FSTL5: variants seen among roughly 807,000 people sequenced by gnomAD.
FSTL5 encodes the protein follistatin like 5.
A neutral mutation model predicts 89.1 loss-of-function variants in FSTL5; 62 were observed. That is an observed-to-expected ratio of 0.70 (90% CI 0.57 to 0.86). The LOEUF (loss-of-function observed/expected upper bound fraction) is 0.86. FSTL5 is among the 40% of genes least tolerant of loss of function. The probability of loss-of-function intolerance (pLI) is 0.00; values close to 1 mark genes in which losing one functional copy is unlikely to be tolerated. For synonymous variants in FSTL5, 383 were observed against 346.2 expected (o/e 1.11, Z -1.18); for missense variants, 1,057 against 1,001.6 (o/e 1.06, Z -0.75).
At chr4:161,853,219 G>T (rs1220237742) in intron 4 of FSTL5, among the ~76,000 whole-genome samples, 1 of 152,176 alleles carries the variant, frequency 6.6e-6, no homozygotes, top group African/African-American at 2.4e-5. Context: ...GAAAGCTGTA[G>T]TCATGTAGAT....
chr4:161,910,300 T>C (rs995518111), intron 4 of FSTL5, among the ~76,000 whole-genome samples: 3 of 152,238 alleles, frequency 2.0e-5, no homozygotes, highest in Non-Finnish European at 2.9e-5. Flanking sequence ...CAATCAGCAC[T>C]CATTCTTCAC....
At chr4:162,012,102 G>T (rs1578945715) in intron 3 of FSTL5, among the ~76,000 whole-genome samples, 1 of 152,262 alleles carries the variant, frequency 6.6e-6, no homozygotes, top group Middle Eastern at 3.4e-3. Context: ...TCCATGTGAT[G>T]CACTACGTTC....
intron 13 of FSTL5, among the ~76,000 whole-genome samples, chr4:161,479,915 T>C (rs895052294): frequency 6.6e-6 from 1 of 152,140 alleles, no homozygotes; most frequent in African/African-American, 2.4e-5. Context: ...GTACAGAATA[T>C]ATGGATGAAA....
intron 7 of FSTL5, among the ~76,000 whole-genome samples, chr4:161,634,359 A>G (rs905558567): frequency 6.6e-6 from 1 of 152,226 alleles, no homozygotes; most frequent in African/African-American, 2.4e-5. Flanking sequence ...CTAAGCTATA[A>G]ATCAATCATC....
At chr4:161,619,889 C>G (rs1292085777) in intron 7 of FSTL5, among the ~76,000 whole-genome samples, 1 of 151,950 alleles carries the variant, frequency 6.6e-6, no homozygotes, top group Non-Finnish European at 1.5e-5. Context: ...CACATGCACA[C>G]GTATGTTTAT....
intron 6 of FSTL5, among the ~76,000 whole-genome samples, chr4:161,742,632 G>A (rs1209354671): frequency 6.6e-6 from 1 of 152,180 alleles, no homozygotes; most frequent in Non-Finnish European, 1.5e-5. Flanking sequence ...CGCCAGAAGA[G>A]AATCCATGTG....
chr4:161,674,808 GT>G (rs1420716455), intron 6 of FSTL5, among the ~76,000 whole-genome samples: 2 of 152,182 alleles, frequency 1.3e-5, no homozygotes, highest in Non-Finnish European at 2.9e-5. Context: ...ATGCTTTTCA[GT>G]CAAGACATAC....
chr4:162,109,675 C>T (rs1475535367), intron 2 of FSTL5, among the ~76,000 whole-genome samples: 1 of 151,954 alleles, frequency 6.6e-6, no homozygotes, highest in African/African-American at 2.4e-5. Context: ...TATACTAACA[C>T]ATTAAAACCG....
At chr4:162,155,930 G>A (rs1012261108) in intron 1 of FSTL5, among the ~76,000 whole-genome samples, 1 of 152,142 alleles carries the variant, frequency 6.6e-6, no homozygotes, top group Non-Finnish European at 1.5e-5. Flanking sequence ...GTAAAAATTA[G>A]AGATCTAATG....
At chr4:161,775,235 A>T (rs1317032920) in intron 5 of FSTL5, among the ~76,000 whole-genome samples, 1 of 152,154 alleles carries the variant, frequency 6.6e-6, no homozygotes, top group Admixed American at 6.5e-5. Flanking sequence ...TGTTATAGGG[A>T]TCATCAAGAA....
chr4:161,573,517 C>T (rs1447303134), intron 8 of FSTL5, among the ~76,000 whole-genome samples: 6 of 148,112 alleles, frequency 4.1e-5, no homozygotes, highest in East Asian at 2.0e-4. Context: ...GGGTGGATCA[C>T]CTGAGGTCGG....
At chr4:161,577,493 G>GAAAAAAAAAAAAAAAAAAAAAA (rs1733267585) in intron 8 of FSTL5, among the ~76,000 whole-genome samples, 1 of 125,738 alleles carries the variant, frequency 8.0e-6, no homozygotes, top group African/African-American at 2.9e-5. Flanking sequence ...AAAAAAAAAG[G>GAAAAAAAAAAAAAAAAAAAAAA]AAACAAGATG....
chr4:161,984,583 A>C (rs1735911057), intron 3 of FSTL5, among the ~76,000 whole-genome samples: 1 of 152,012 alleles, frequency 6.6e-6, no homozygotes, highest in Non-Finnish European at 1.5e-5. Context: ...CTTAGATTCC[A>C]CTTTCTTGCC....
At chr4:161,669,128 T>A (rs893199671) in intron 6 of FSTL5, among the ~76,000 whole-genome samples, 1,276 of 113,394 alleles carry the variant, frequency 0.011, 9 homozygotes, top group South Asian at 0.041. Context: ...AAAAAAAAAA[T>A]AAAATAAAAT....
chr4:161,919,139 T>A (rs1733921388), intron 4 of FSTL5, among the ~76,000 whole-genome samples: 1 of 152,068 alleles, frequency 6.6e-6, no homozygotes, highest in Non-Finnish European at 1.5e-5. Flanking sequence ...CAGAAAAAAA[T>A]TCCCTAATAT....
intron 3 of FSTL5, among the ~76,000 whole-genome samples, chr4:161,936,104 C>G (rs554967328): frequency 2.6e-5 from 4 of 152,232 alleles, no homozygotes; most frequent in African/African-American, 9.6e-5. Context: ...CGCTTGAACC[C>G]AGGAGGCAGA....
chr4:161,881,706 A>G (rs948673538), intron 4 of FSTL5, among the ~76,000 whole-genome samples: 6 of 151,932 alleles, frequency 3.9e-5, no homozygotes, highest in Non-Finnish European at 8.8e-5. Flanking sequence ...TTTATGGAAA[A>G]CAAACAAACA....
chr4:161,414,736 A>T (rs1452965799), intron 15 of FSTL5, among the ~76,000 whole-genome samples: 1 of 152,212 alleles, frequency 6.6e-6, no homozygotes, highest in Non-Finnish European at 1.5e-5. Context: ...TGGAAAAAAA[A>T]TTAACAGACA....
chr4:162,011,608 C>T (rs1736770558), intron 3 of FSTL5, among the ~76,000 whole-genome samples: 1 of 152,052 alleles, frequency 6.6e-6, no homozygotes, highest in African/African-American at 2.4e-5. Context: ...ACTCTCCTGC[C>T]TCAGTCTCCC....
Sources: gnomAD v4.1 joint callset for allele counts (sites outside exome capture counted in the v4.1 genomes callset) on GRCh38, gnomAD v4.1.1 for gene constraint, MANE v1.5 for transcripts, NCBI Gene and HGNC (gene_info 2026-07-23, HGNC 2026-07-21) for gene names.